The following MAGI1 variants were observed in gnomAD, a reference collection of about 807,000 sequenced individuals.
MAGI1 encodes membrane associated guanylate kinase, WW and PDZ domain containing 1, also known as membrane-associated guanylate kinase, WW and PDZ domain-containing protein 1.
A neutral mutation model predicts 139.9 loss-of-function variants in MAGI1; 58 were observed. The observed-to-expected ratio is 0.41, with a 90% CI of 0.34 to 0.52. The LOEUF (loss-of-function observed/expected upper bound fraction) is 0.52, where lower values mean the gene tolerates loss of function less well. Among genes scored for constraint, MAGI1 ranks in the 20% least tolerant of loss-of-function variants. The pLI, the probability that MAGI1 is intolerant of heterozygous loss-of-function variation, is 0.12. For synonymous variants in MAGI1, 812 were observed against 737.9 expected (o/e 1.10, Z -1.63); for missense variants, 1,874 against 1,901.6 (o/e 0.99, Z 0.27).
At chr3:65,615,769 C>G (rs1260177763) in intron 2 of MAGI1, among the ~76,000 whole-genome samples, 1 of 152,118 alleles carries the variant, frequency 6.6e-6, no homozygotes, top group African/African-American at 2.4e-5. Context: ...GTTATCTAAT[C>G]CCATGATTTT....
At chr3:65,523,140 G>T (rs2078236940) in intron 2 of MAGI1, among the ~76,000 whole-genome samples, 1 of 152,136 alleles carries the variant, frequency 6.6e-6, no homozygotes, top group Non-Finnish European at 1.5e-5. Flanking sequence ...GTTTGCCAGA[G>T]TCTTTTATAC....
intron 2 of MAGI1, among the ~76,000 whole-genome samples, chr3:65,516,718 CTTTTTTTT>C (rs71102867): frequency 1.3e-4 from 9 of 67,000 alleles, no homozygotes; most frequent in East Asian, 5.5e-4. Flanking sequence ...CATCCCACCT[CTTTTTTTT>C]TTTTTTTTTT....
rs930296574 is a variant in MAGI1, at chr3:65,957,052, C to G, written c.313+80944G>C. Among the ~76,000 whole-genome samples the G allele has an allele frequency of 2.6e-5, 4 of 152,082 alleles. 1 individual carries two copies. The highest frequency in any genetic ancestry group is 6.6e-5 in the Admixed American group (1 of 15,266). On this transcript the variant is annotated intron_variant, in intron 1 of 22. Coordinates refer to ENST00000402939, the MANE Select transcript of MAGI1 (RefSeq NM_001033057.2). Reference sequence around the variant, plus strand: ...GAAAAATGCATAGTCTAACCCAATCCTACAAGTCCACTCTGAGGCATACCC... The same window carrying G: ...GAAAAATGCATAGTCTAACCCAATCGTACAAGTCCACTCTGAGGCATACCC...
chr3:65,595,213 A>T (rs2082135379), intron 2 of MAGI1, among the ~76,000 whole-genome samples: 1 of 152,188 alleles, frequency 6.6e-6, no homozygotes, highest in Non-Finnish European at 1.5e-5. Context: ...CCTTTGCTAG[A>T]TGTGTCTTAG....
intron 1 of MAGI1, among the ~76,000 whole-genome samples, chr3:65,778,720 T>C (rs183441989): frequency 1.1e-4 from 16 of 152,302 alleles, no homozygotes; most frequent in African/African-American, 3.6e-4. Flanking sequence ...TTCTTAATAT[T>C]TGCCAAACAG....
intron 1 of MAGI1, among the ~76,000 whole-genome samples, chr3:65,634,855 T>A (rs1460873248): frequency 6.6e-6 from 1 of 152,016 alleles, no homozygotes; most frequent in African/African-American, 2.4e-5. Flanking sequence ...TGTAGGAAAA[T>A]GTCATCATTT....
Position 65,668,646 on chromosome 3 carries a change from A to C in MAGI1, c.314-46558T>G, listed in dbSNP as rs574118467. On this transcript the variant is annotated intron_variant, in intron 1 of 22. Transcript: ENST00000402939. The stretch of plus-strand genomic sequence containing the variant: ...CAGTGGTGCAATCTCAGCTCACTGC[A>C]ACCTCTGCCCCCTAGGTTCAATTGA... Among the ~76,000 whole-genome samples, 39 of 144,740 alleles carry C rather than the reference A, an allele frequency of 2.7e-4. 1 individual carries two copies. In the South Asian group the frequency reaches 7.8e-3, roughly 29 times the overall value. 95.0% of individuals were successfully genotyped at this position (144,740 alleles called of 152,430 possible). A position where few individuals can be genotyped will look rare whatever the true frequency, so the allele number is the denominator to read the frequency against.
intron 1 of MAGI1, among the ~76,000 whole-genome samples, chr3:66,012,919 G>T (rs963497241): frequency 6.6e-5 from 10 of 152,140 alleles, no homozygotes; most frequent in African/African-American, 2.2e-4. Flanking sequence ...ATTTCCTCTA[G>T]GGTTTTACTG....
At chr3:65,475,522 T>C (rs962147803) in intron 4 of MAGI1, among the ~76,000 whole-genome samples, 4 of 152,322 alleles carry the variant, frequency 2.6e-5, no homozygotes, top group Middle Eastern at 3.4e-3. Context: ...ACTTTCTAAG[T>C]TGTCTCTAAT....
intron 2 of MAGI1, among the ~76,000 whole-genome samples, chr3:65,499,966 A>C (rs1033823370): frequency 3.9e-5 from 6 of 152,174 alleles, no homozygotes; most frequent in African/African-American, 1.4e-4. Flanking sequence ...ATTATTTAAG[A>C]AATATTTTAA....
At chr3:65,946,623 A>G (rs1028945054) in intron 1 of MAGI1, among the ~76,000 whole-genome samples, 1 of 152,088 alleles carries the variant, frequency 6.6e-6, no homozygotes, top group Non-Finnish European at 1.5e-5. Context: ...TCATCTGCCT[A>G]CAAGTAGGCC....
At chr3:65,828,896 A>T (rs2042370936) in intron 1 of MAGI1, among the ~76,000 whole-genome samples, 1 of 152,208 alleles carries the variant, frequency 6.6e-6, no homozygotes. Flanking sequence ...CTAAAAGCAG[A>T]GGCAGAGGGC....
intron 1 of MAGI1, among the ~76,000 whole-genome samples, chr3:65,880,908 C>CGTGTGTGTGTGTGTGTGTGT (rs11271375): frequency 0.029 from 4,216 of 145,486 alleles, 79 homozygotes; most frequent in Non-Finnish European, 0.036. Flanking sequence ...ATATCTCTGG[C>CGTGTGTGTGTGTGTGTGTGT]GTGTGTGTGT....
rs777307822 is a variant in MAGI1, at chr3:65,429,607, C to T, written c.2080G>A (p.Val694Met). ...DLIVEVNKKN[V>M]QALTHNQVVD... ...ACTTGGTTGTGAGTTAGGGCCTGCA[C>T]GTTCTTCTTATTAACTTCCACTATG... is the stretch of plus-strand genomic sequence containing the variant. The change falls in exon 12 of 23, where the codon GTG (valine) becomes ATG (methionine). Residue 694 changes from valine (V) to methionine (M), a missense_variant. This residue lies in a region of MAGI1 where 482 missense variants were observed against 509.6 expected (regional missense o/e 0.95). Transcript: ENST00000402939. 8.1e-5 allele frequency: 130 copies of T among 1,613,862 alleles called. No homozygotes were observed. The highest frequency in any genetic ancestry group is 7.7e-4 in the Admixed American group (46 of 59,954).
intron 2 of MAGI1, among the ~76,000 whole-genome samples, chr3:65,535,879 G>T (rs1438835660): frequency 6.6e-6 from 1 of 152,154 alleles, no homozygotes; most frequent in Non-Finnish European, 1.5e-5. Flanking sequence ...TGGTTAAACA[G>T]CAGCTGAGGA....
intron 1 of MAGI1, among the ~76,000 whole-genome samples, chr3:65,913,370 T>A (rs2061753274): frequency 6.6e-6 from 1 of 152,144 alleles, no homozygotes; most frequent in Admixed American, 6.5e-5. Flanking sequence ...GAATTAGGAT[T>A]ATTCCTCCTC....
chr3:65,931,026 C>A (rs1296531298), intron 1 of MAGI1, among the ~76,000 whole-genome samples: 1 of 151,202 alleles, frequency 6.6e-6, no homozygotes, highest in East Asian at 1.9e-4. Flanking sequence ...TTCTTTTACT[C>A]CATTGCTTGC....
chr3:65,656,978 T>G (rs2085910957), intron 1 of MAGI1, among the ~76,000 whole-genome samples: 1 of 25,044 alleles, frequency 4.0e-5, no homozygotes. Context: ...GGACACCATC[T>G]CAAAAAAAAA....
intron 1 of MAGI1, among the ~76,000 whole-genome samples, chr3:65,653,018 T>A (rs1025740175): frequency 6.6e-6 from 1 of 152,110 alleles, no homozygotes; most frequent in Non-Finnish European, 1.5e-5. Context: ...CCAGGAGAGC[T>A]TATCCAGCAA....
Sources: allele counts gnomAD v4.1 joint callset (sites outside exome capture counted in the v4.1 genomes callset), GRCh38; gene constraint gnomAD v4.1.1; regional missense constraint gnomAD v4.1.1; transcripts MANE v1.5; gene names NCBI Gene and HGNC (gene_info 2026-07-23, HGNC 2026-07-21).